TMEM51: variants seen among roughly 807,000 people sequenced by gnomAD.
The protein encoded by TMEM51 is chromosome 1 open reading frame 72.
Under a neutral mutation model 13.6 loss-of-function variants are expected in TMEM51, and 8 were observed. The ratio of observed to expected loss-of-function variants is 0.59; its 90% CI spans 0.35 to 1.07. The LOEUF is 1.07. TMEM51 is among the 50% of genes least tolerant of loss of function. The pLI is 0.02. For synonymous variants in TMEM51, 147 were observed against 144.4 expected, an observed-to-expected ratio of 1.02 and a Z score of -0.13; for missense variants, 279 against 330.7, an observed-to-expected ratio of 0.84 and a Z score of 1.21.
chr1:15,164,440 CT>C (rs1193510131), intron 1 of TMEM51: 7 of 455,926 alleles, frequency 1.5e-5, no homozygotes, highest in Non-Finnish European at 3.1e-5. Flanking sequence ...TGGACTGGGC[CT>C]TTGGGTTTTG....
chr1:15,210,338 T>G (rs1346160475), intron 1 of TMEM51, among the ~76,000 whole-genome samples, 152 bp from the exon 2 acceptor site: 1 of 152,216 alleles, frequency 6.6e-6, no homozygotes, highest in African/African-American at 2.4e-5. Flanking sequence ...TCTGGCTTCT[T>G]CTGGTACCAC....
At chr1:15,218,708 C>T (rs1274867045) in intron 3 of TMEM51, among the ~76,000 whole-genome samples, 1 of 152,170 alleles carries the variant, frequency 6.6e-6, no homozygotes, top group Admixed American at 6.5e-5. Context: ...TGCTCATCAG[C>T]ATGGGACACT....
chr1:15,204,415 G>A (rs1200601245), intron 1 of TMEM51, among the ~76,000 whole-genome samples: 8 of 152,258 alleles, frequency 5.3e-5, no homozygotes, highest in Non-Finnish European at 1.0e-4. Flanking sequence ...TTAGCCGGGT[G>A]TGGTGGCGCA....
chr1:15,168,518 T>C, intron 1 of TMEM51: 3 of 1,304,764 alleles, frequency 2.3e-6, no homozygotes, highest in Non-Finnish European at 3.0e-6. Flanking sequence ...GTTTTATGAT[T>C]GGAAGCTGGT....
At chr1:15,214,768 G>A (rs1644397016) in intron 2 of TMEM51, 127 bp from the exon 3 acceptor site, 1 of 304,838 alleles carries the variant, frequency 3.3e-6, no homozygotes, top group South Asian at 5.6e-5. Flanking sequence ...CATCAAAGGC[G>A]AGGCCCAGCC....
intron 1 of TMEM51, among the ~76,000 whole-genome samples, chr1:15,200,338 A>G (rs1442138730): frequency 6.9e-6 from 1 of 144,236 alleles, no homozygotes; most frequent in East Asian, 2.2e-4. Flanking sequence ...AGCCTGGGAT[A>G]TCGAGACTGC....
At chr1:15,205,296 C>G (rs370110754) in intron 1 of TMEM51, among the ~76,000 whole-genome samples, 2 of 152,090 alleles carry the variant, frequency 1.3e-5, no homozygotes, top group Non-Finnish European at 2.9e-5. Context: ...TACAATGCAC[C>G]GACAGCTTGT....
At chr1:15,178,512 T>C (rs567710885) in intron 1 of TMEM51, among the ~76,000 whole-genome samples, 8 of 152,222 alleles carry the variant, frequency 5.3e-5, no homozygotes, top group Non-Finnish European at 1.0e-4. Context: ...GACCGCAAGG[T>C]AGTGCTTCCG....
chr1:15,171,105 AC>A, intron 1 of TMEM51: 5 of 391,920 alleles, frequency 1.3e-5, no homozygotes, highest in South Asian at 3.9e-5. Flanking sequence ...CTCCTCCTCC[AC>A]CCCCCGCCAC....
chr1:15,155,314 G>A (rs1642552394), intron 1 of TMEM51, among the ~76,000 whole-genome samples: 1 of 152,130 alleles, frequency 6.6e-6, no homozygotes, highest in African/African-American at 2.4e-5. Flanking sequence ...AGGGAGTCAG[G>A]GATACTCATG....
At chr1:15,186,974 C>T (rs757437446) in intron 1 of TMEM51, among the ~76,000 whole-genome samples, 4 of 152,116 alleles carry the variant, frequency 2.6e-5, no homozygotes, top group African/African-American at 9.7e-5. Context: ...GGGAGGAATG[C>T]GAGGTGGCCA....
At position 15,215,276 on chromosome 1, in the gene TMEM51, C is replaced by T. The variant is rs540521787; in HGVS notation, c.189C>T (p.Phe63=). ...VGGGILKSKT[F]SVAYVLVGAG... ...GCGGCATCCTCAAGAGCAAGACCTT[C>T]TCTGTGGCCTACGTGCTGGTCGGGG... The change falls in exon 3 of 4, where the codon TTC becomes TTT. Residue 63 remains phenylalanine, a synonymous_variant. Coordinates refer to ENST00000376008, the MANE Select transcript of TMEM51 (RefSeq NM_001136218.2). 162 of 1,614,076 alleles carry T rather than the reference C, an allele frequency of 1.0e-4. No individual in the cohort carries two copies. The South Asian group carries it at 1.7e-3, about 17-fold the overall frequency.
At chr1:15,210,954 A>G (rs547054561) in intron 2 of TMEM51, among the ~76,000 whole-genome samples, 27 of 152,282 alleles carry the variant, frequency 1.8e-4, no homozygotes, top group African/African-American at 6.5e-4. Context: ...CCCCAAAGAG[A>G]GGGCTGAACT....
intron 1 of TMEM51, among the ~76,000 whole-genome samples, chr1:15,184,516 G>T (rs1643712707): frequency 6.6e-6 from 1 of 152,178 alleles, no homozygotes; most frequent in Non-Finnish European, 1.5e-5. Context: ...CATGACTGAA[G>T]GATGCTTCTA....
intron 1 of TMEM51, among the ~76,000 whole-genome samples, chr1:15,174,145 G>A (rs557717641): frequency 4.6e-5 from 7 of 152,354 alleles, no homozygotes; most frequent in East Asian, 1.9e-4. Context: ...TCAGCACTGG[G>A]CAAAGGCTGA....
chr1:15,187,062 C>T (rs558966007), intron 1 of TMEM51, among the ~76,000 whole-genome samples: 3 of 152,252 alleles, frequency 2.0e-5, no homozygotes, highest in South Asian at 2.1e-4. Context: ...TGCACTGGGC[C>T]GGGCCCTCCA....
rs1308534749 is a variant in TMEM51, at chr1:15,219,887, T to G, written c.*144T>G. 5 of 895,404 alleles carry G rather than the reference T, an allele frequency of 5.6e-6. No individual in the cohort carries two copies. Among genetic ancestry groups the G allele is most frequent in the Non-Finnish European group, 8.3e-6 (5 of 605,004 alleles). 55.5% of individuals were successfully genotyped at this position (895,404 alleles called of 1,614,324 possible). On this transcript the variant is annotated 3_prime_UTR_variant, in exon 4 of 4. Transcript: ENST00000376008. ...TGGATGGCGGCGGGCGGGGGGGGAT[T>G]CTCTGTATCAGGAGTGACTTTGTTG...
At position 15,219,264 on chromosome 1, in the gene TMEM51, T is replaced by G. The variant is rs1644474840; in HGVS notation, c.345-62T>G. 3 of 1,506,454 alleles carry G rather than the reference T, an allele frequency of 2.0e-6. No homozygotes were observed. The East Asian group carries it at 6.8e-5, about 34-fold the overall frequency. The allele number at this position is 1,506,454 out of a possible 1,614,324, so 93.3% of individuals were successfully genotyped here. On this transcript the variant is annotated intron_variant, in intron 3 of 3. Coordinates refer to ENST00000376008, the MANE Select transcript of TMEM51 (RefSeq NM_001136218.2). ...TGTGGACTCTTTGGAGCCCATCCCT[T>G]TGGGATTTTGAATGACTTGAGCACA...
In TMEM51 at chr1:15,165,754, T is replaced by G. The variant is rs577015796; in HGVS notation, c.-267+11800T>G. Among the ~76,000 whole-genome samples the G allele has an allele frequency of 1.2e-4, 19 of 152,322 alleles. No individual in the cohort carries two copies. In the East Asian group the frequency reaches 3.7e-3, roughly 29 times the overall value. ...ATTGGTGACATAAATTGCAGCTCTT[T>G]CATATACTGAAGTGGTCCTCAACCA... is the stretch of plus-strand genomic sequence containing the variant. On this transcript the variant is annotated intron_variant, in intron 1 of 3. Transcript: ENST00000376008.
Sources: allele counts gnomAD v4.1 joint callset (sites outside exome capture counted in the v4.1 genomes callset), GRCh38; gene constraint gnomAD v4.1.1; transcripts MANE v1.5; gene names NCBI Gene and HGNC (gene_info 2026-07-23, HGNC 2026-07-21).